The following ANKRD6 variants were observed in gnomAD, a reference collection of about 807,000 sequenced individuals.
ANKRD6 encodes ankyrin repeat domain-containing protein 6.
ANKRD6 carries 56 observed loss-of-function variants against 82.3 expected under a neutral mutation model. The ratio of observed to expected loss-of-function variants is 0.68; its 90% CI spans 0.55 to 0.85. The LOEUF is 0.85. Among genes scored for constraint, ANKRD6 ranks in the 40% least tolerant of loss-of-function variants. The pLI is 0.00. For synonymous variants in ANKRD6, 347 were observed against 352.1 expected, an observed-to-expected ratio of 0.99 and a Z score of 0.16; for missense variants, 852 against 907.6, an observed-to-expected ratio of 0.94 and a Z score of 0.79.
intron 1 of ANKRD6, among the ~76,000 whole-genome samples, chr6:89,538,524 C>A (rs1002987066): frequency 2.0e-5 from 3 of 152,160 alleles, no homozygotes; most frequent in South Asian, 2.1e-4. Context: ...TAATGTAAGT[C>A]AACATACTGT....
At chr6:89,500,100 C>G (rs1393530292) in intron 1 of ANKRD6, among the ~76,000 whole-genome samples, 4 of 151,174 alleles carry the variant, frequency 2.6e-5, no homozygotes, top group Non-Finnish European at 4.4e-5. Flanking sequence ...ACCTTTCCCA[C>G]CTCTGGTGGC....
intron 1 of ANKRD6, among the ~76,000 whole-genome samples, chr6:89,462,270 A>AAT (rs779105035): frequency 1.3e-5 from 2 of 148,634 alleles, no homozygotes; most frequent in East Asian, 3.9e-4. Flanking sequence ...TAATAATAAT[A>AAT]AATACATAAA....
chr6:89,475,972 C>T (rs536372623), intron 1 of ANKRD6, among the ~76,000 whole-genome samples: 138 of 152,274 alleles, frequency 9.1e-4, no homozygotes, highest in African/African-American at 3.2e-3. Flanking sequence ...CTGTTTTAGA[C>T]AGTGTGAAAC....
At chr6:89,586,713 G>A (rs1793768574) in intron 2 of ANKRD6, among the ~76,000 whole-genome samples, 1 of 152,064 alleles carries the variant, frequency 6.6e-6, no homozygotes, top group Non-Finnish European at 1.5e-5. Flanking sequence ...ATGTAGTCTG[G>A]GCTGCCACCT....
Position 89,629,169 on chromosome 6 carries a change from C to A in ANKRD6, c.1543C>A (p.Gln515Lys). Residue 515 changes from glutamine to lysine, a missense_variant, in exon 15 of 16, where the codon CAG (glutamine) becomes AAG (lysine). Coordinates refer to ENST00000339746, the MANE Select transcript of ANKRD6 (RefSeq NM_001242809.2). ...WCMLKIQNLE[Q>K]KLSGDSRACR... The stretch of plus-strand genomic sequence containing the variant: ...CATGTTAAAGATTCAGAATCTGGAG[C>A]AGAAGCTTTCTGGAGATTCTAGGGC... The A allele has an allele frequency of 6.2e-7, 1 of 1,613,650 alleles. No homozygotes were observed. Among genetic ancestry groups the A allele is most frequent in the Non-Finnish European group, 8.5e-7 (1 of 1,179,814 alleles).
intron 1 of ANKRD6, among the ~76,000 whole-genome samples, chr6:89,564,860 C>T (rs185553684): frequency 9.5e-4 from 143 of 150,732 alleles, no homozygotes; most frequent in African/African-American, 3.4e-3. Flanking sequence ...GGGTAGATGA[C>T]GGGGGGGAGG....
intron 2 of ANKRD6, among the ~76,000 whole-genome samples, chr6:89,590,194 G>A (rs1483901493): frequency 1.3e-5 from 2 of 152,214 alleles, no homozygotes; most frequent in Non-Finnish European, 2.9e-5. Flanking sequence ...CAGTATTTTA[G>A]GTGTTTTATA....
intron 1 of ANKRD6, among the ~76,000 whole-genome samples, chr6:89,541,781 A>G (rs1784476774): frequency 6.6e-6 from 1 of 150,438 alleles, no homozygotes; most frequent in South Asian, 2.1e-4. Flanking sequence ...CAGTTCCTAT[A>G]TATAGTTTTC....
At chr6:89,600,180 A>C (rs998030306) in intron 3 of ANKRD6, among the ~76,000 whole-genome samples, 3 of 152,228 alleles carry the variant, frequency 2.0e-5, no homozygotes, top group Non-Finnish European at 4.4e-5. Flanking sequence ...GAGTTTCACA[A>C]AGGAAAATTT....
intron 1 of ANKRD6, among the ~76,000 whole-genome samples, chr6:89,435,675 C>G (rs989685850): frequency 6.6e-6 from 1 of 152,184 alleles, no homozygotes; most frequent in Non-Finnish European, 1.5e-5. Context: ...GACCCAGTCT[C>G]TTCCAACATA....
At chr6:89,473,705 G>A (rs1387350127) in intron 1 of ANKRD6, among the ~76,000 whole-genome samples, 2 of 152,168 alleles carry the variant, frequency 1.3e-5, no homozygotes, top group Non-Finnish European at 2.9e-5. Context: ...GTAGCTAGGT[G>A]TGGTGGCTCA....
Position 89,623,917 on chromosome 6 carries a change from G to T in ANKRD6, c.1078G>T (p.Gly360Ter). 1 of 1,613,822 alleles carries T rather than the reference G, an allele frequency of 6.2e-7. No individual in the cohort carries two copies. Among genetic ancestry groups the T allele is most frequent in the Non-Finnish European group, 8.5e-7 (1 of 1,179,844 alleles). ...DPTPPADQQP[G>*]HQKNLHAHNH... ...CACCCCACCAGCCGACCAACAGCCT[G>T]GACACCAGAAGAACCTGCATGCTCA... Residue 360 changes from glycine (G) to a stop codon, truncating the protein, a stop_gained, in exon 12 of 16, where the codon GGA (glycine) becomes TGA (stop). Transcript: ENST00000339746. LOFTEE classifies it high-confidence loss of function.
chr6:89,508,818 A>G (rs1780182554), intron 1 of ANKRD6: 1 of 152,100 alleles, frequency 6.6e-6, no homozygotes, highest in Non-Finnish European at 1.5e-5. Context: ...CCTAATTTTT[A>G]AATTTGTATT....
chr6:89,449,435 A>T (rs1440533229), intron 1 of ANKRD6, among the ~76,000 whole-genome samples: 1 of 152,204 alleles, frequency 6.6e-6, no homozygotes, highest in Non-Finnish European at 1.5e-5. Flanking sequence ...GACTTGTGAA[A>T]GTTGCAGATA....
intron 1 of ANKRD6, among the ~76,000 whole-genome samples, chr6:89,480,091 A>G (rs1311677110): frequency 6.6e-6 from 1 of 152,162 alleles, no homozygotes; most frequent in Non-Finnish European, 1.5e-5. Context: ...ACTGTCACAA[A>G]CTTGCCCACA....
At chr6:89,489,938 T>A (rs905631508) in intron 1 of ANKRD6, among the ~76,000 whole-genome samples, 2 of 152,218 alleles carry the variant, frequency 1.3e-5, no homozygotes, top group African/African-American at 2.4e-5. Context: ...TGACCAGAAC[T>A]CTTAGGCCAC....
intron 1 of ANKRD6, among the ~76,000 whole-genome samples, chr6:89,545,069 A>C (rs191959260): frequency 0.013 from 2,009 of 150,604 alleles, 57 homozygotes; most frequent in African/African-American, 0.045. Context: ...AAAAATTAGC[A>C]GGGCGTGGTG....
chr6:89,552,685 A>G (rs1042239763), intron 1 of ANKRD6, among the ~76,000 whole-genome samples: 5 of 152,296 alleles, frequency 3.3e-5, no homozygotes, highest in African/African-American at 1.2e-4. Context: ...TGCCGTGCTT[A>G]TCATCTACTC....
At chr6:89,558,729 A>G (rs1786974438) in intron 1 of ANKRD6, among the ~76,000 whole-genome samples, 1 of 151,974 alleles carries the variant, frequency 6.6e-6, no homozygotes, top group Non-Finnish European at 1.5e-5. Context: ...GACTCTAGTT[A>G]ATAATACTGT....
Sources: allele counts gnomAD v4.1 joint callset (sites outside exome capture counted in the v4.1 genomes callset), GRCh38; gene constraint gnomAD v4.1.1; transcripts MANE v1.5; gene names NCBI Gene and HGNC (gene_info 2026-07-23, HGNC 2026-07-21).